EYS: variants seen among roughly 807,000 people sequenced by gnomAD.
EYS encodes protein eyes shut homolog.
In EYS, 250 loss-of-function variants were observed where a neutral mutation model predicts 282.1. The ratio of observed to expected loss-of-function variants is 0.89; its 90% confidence interval spans 0.80 to 0.98. EYS has a LOEUF of 0.98. EYS is among the 50% of genes least tolerant of loss of function. The pLI is 0.00. For missense variants in EYS, 4,016 were observed against 3,709.0 expected (o/e 1.08, Z -2.15); for synonymous variants, 1,355 against 1,282.9 (o/e 1.06, Z -1.20).
intron 12 of EYS, among the ~76,000 whole-genome samples, chr6:65,158,985 T>A (rs974610374): frequency 2.0e-5 from 3 of 150,904 alleles, no homozygotes; most frequent in African/African-American, 4.8e-5. Flanking sequence ...AGGGTTTTTT[T>A]AAATATTGCT....
intron 35 of EYS, among the ~76,000 whole-genome samples, chr6:63,959,052 G>T (rs1016880020): frequency 6.6e-6 from 1 of 152,008 alleles, no homozygotes; most frequent in South Asian, 2.1e-4. Flanking sequence ...AACACTTTTT[G>T]TAGAAACAAT....
intron 28 of EYS, among the ~76,000 whole-genome samples, chr6:64,424,487 G>A (rs888310435): frequency 6.6e-6 from 1 of 152,106 alleles, no homozygotes; most frequent in African/African-American, 2.4e-5. Context: ...ACAGCCTAGC[G>A]ACCCTACTGA....
At chr6:65,576,574 A>T (rs936473537) in intron 2 of EYS, among the ~76,000 whole-genome samples, 36 of 151,908 alleles carry the variant, frequency 2.4e-4, no homozygotes, top group Admixed American at 6.6e-4. Context: ...GGATGTCCTA[A>T]CCAGAGAAAT....
chr6:65,046,350 C>G (rs556112496), intron 13 of EYS, among the ~76,000 whole-genome samples: 1 of 151,806 alleles, frequency 6.6e-6, no homozygotes, highest in Non-Finnish European at 1.5e-5. Flanking sequence ...TTTATTAGCT[C>G]AAGTAGCAAA....
At chr6:65,545,278 T>A (rs1386958932) in intron 2 of EYS, among the ~76,000 whole-genome samples, 1 of 151,900 alleles carries the variant, frequency 6.6e-6, no homozygotes, top group Non-Finnish European at 1.5e-5. Flanking sequence ...CCTCTAAATA[T>A]TAAAATAAAA....
chr6:65,253,824 C>T (rs1767389935), intron 12 of EYS, among the ~76,000 whole-genome samples: 2 of 151,590 alleles, frequency 1.3e-5, no homozygotes, highest in African/African-American at 4.8e-5. Flanking sequence ...AAACTTTTTT[C>T]TTTTTATTAC....
At position 65,332,566 on chromosome 6, in the gene EYS, A is replaced by AT. The variant is rs763281283; in HGVS notation, c.1766+2413dup. On this transcript the variant is annotated intron_variant, in intron 11 of 42. Transcript: ENST00000503581. The stretch of plus-strand genomic sequence containing the variant: ...GTATACAGAGGGTTTATAGTGCTAT[A>AT]TAGAGGGATTGAAAACATAGATTTG... 2.7e-4 allele frequency: 151 copies of AT among 568,388 alleles called. 1 individual carries two copies. Among genetic ancestry groups the AT allele is most frequent in the South Asian group, 2.3e-3 (78 of 34,572 alleles). The allele number at this position is 568,388 out of a possible 1,614,324, so 35.2% of individuals were successfully genotyped here. A position where few individuals can be genotyped will look rare whatever the true frequency, so the allele number is the denominator to read the frequency against.
rs71572506 is a variant in EYS, at chr6:64,958,567, C to G, written c.2260-12653G>C. Among the ~76,000 whole-genome samples the G allele has an allele frequency of 2.6e-5, 4 of 151,388 alleles. 1 individual carries two copies. The highest frequency in any genetic ancestry group is 9.7e-5 in the African/African-American group (4 of 41,262). ...TCGAGACCACGGTGAAACCCCGTCT[C>G]TACTAAAAATACAAAAAATTAGCCG... On this transcript the variant is annotated intron_variant, in intron 14 of 42. Coordinates refer to ENST00000503581, the MANE Select transcript of EYS (RefSeq NM_001142800.2).
intron 5 of EYS, among the ~76,000 whole-genome samples, chr6:65,484,542 T>C (rs1347956485): frequency 1.3e-5 from 2 of 152,148 alleles, no homozygotes; most frequent in Non-Finnish European, 2.9e-5. Context: ...AGACAGCTTG[T>C]TGGACTTTGA....
chr6:63,838,083 T>C (rs1771854043), intron 36 of EYS, among the ~76,000 whole-genome samples: 1 of 152,200 alleles, frequency 6.6e-6, no homozygotes, highest in Non-Finnish European at 1.5e-5. Flanking sequence ...AAGTGGTTCA[T>C]CATATCCTCT....
intron 35 of EYS, among the ~76,000 whole-genome samples, chr6:63,955,945 G>A (rs1765798519): frequency 6.6e-6 from 1 of 152,010 alleles, no homozygotes; most frequent in African/African-American, 2.4e-5. Context: ...TATGACAAAT[G>A]TTTCTTCTAA....
intron 19 of EYS, among the ~76,000 whole-genome samples, chr6:64,839,422 T>C (rs1020977687): frequency 2.0e-5 from 3 of 152,084 alleles, no homozygotes; most frequent in African/African-American, 7.2e-5. Context: ...TACTTCTATA[T>C]AACAGTGTTC....
At chr6:64,344,475 G>A (rs1413972066) in intron 29 of EYS, among the ~76,000 whole-genome samples, 1 of 152,014 alleles carries the variant, frequency 6.6e-6, no homozygotes, top group Non-Finnish European at 1.5e-5. Flanking sequence ...TATCTCAATA[G>A]ATGCAGAAAA....
chr6:64,449,257 C>G (rs555133669), intron 26 of EYS, among the ~76,000 whole-genome samples: 1 of 151,502 alleles, frequency 6.6e-6, no homozygotes, highest in Non-Finnish European at 1.5e-5. Flanking sequence ...AGGGTATCAG[C>G]GATGGAAGAC....
chr6:65,022,238 C>T (rs749913927), intron 13 of EYS, among the ~76,000 whole-genome samples: 3 of 152,216 alleles, frequency 2.0e-5, no homozygotes, highest in Non-Finnish European at 2.9e-5. Flanking sequence ...CCACTGCCTA[C>T]ATAGTGCTAC....
intron 14 of EYS, among the ~76,000 whole-genome samples, chr6:64,970,010 G>T (rs772067856): frequency 6.6e-6 from 1 of 152,164 alleles, no homozygotes; most frequent in African/African-American, 2.4e-5. Flanking sequence ...TAATACAGTT[G>T]TTCCATGAAC....
intron 13 of EYS, among the ~76,000 whole-genome samples, chr6:65,040,524 A>G (rs1406341051): frequency 6.6e-6 from 1 of 151,730 alleles, no homozygotes; most frequent in Non-Finnish European, 1.5e-5. Flanking sequence ...AGATGACTTT[A>G]TTTACAAATA....
chr6:63,984,177 T>C (rs1044280417), intron 35 of EYS, among the ~76,000 whole-genome samples: 1 of 151,824 alleles, frequency 6.6e-6, no homozygotes, highest in Non-Finnish European at 1.5e-5. Context: ...TCTGAGACTC[T>C]CTTGTCTCTT....
chr6:64,826,288 T>C (rs976518317), intron 19 of EYS, among the ~76,000 whole-genome samples: 2 of 151,964 alleles, frequency 1.3e-5, no homozygotes, highest in Admixed American at 6.6e-5. Context: ...TTTCTTTTTG[T>C]TATGTCTAAC....
Sources: allele counts gnomAD v4.1 joint callset (sites outside exome capture counted in the v4.1 genomes callset), GRCh38; gene constraint gnomAD v4.1.1; transcripts MANE v1.5; gene names NCBI Gene and HGNC (gene_info 2026-07-23, HGNC 2026-07-21).